CSMD1: variants seen among roughly 807,000 people sequenced by gnomAD.
CSMD1 encodes the protein CUB and sushi domain-containing protein 1.
In CSMD1, 213 loss-of-function variants were observed where a neutral mutation model predicts 417.5. The observed-to-expected ratio is 0.51, with a 90% CI of 0.46 to 0.57. The LOEUF (loss-of-function observed/expected upper bound fraction) is 0.57. CSMD1 is among the 20% of genes least tolerant of loss of function. CSMD1 has a pLI of 0.00. For synonymous variants in CSMD1, 2,862 were observed against 1,736.8 expected (o/e 1.65, Z -16.11); for missense variants, 6,923 against 4,529.7 (o/e 1.53, Z -15.17).
At chr8:4,558,945 C>T (rs1274290220) in intron 2 of CSMD1, among the ~76,000 whole-genome samples, 1 of 151,398 alleles carries the variant, frequency 6.6e-6, no homozygotes, top group Non-Finnish European at 1.5e-5. Context: ...TTTTTTCTGA[C>T]CTCCTGTATT....
At chr8:4,755,675 C>T (rs1235339555) in intron 1 of CSMD1, among the ~76,000 whole-genome samples, 1 of 152,198 alleles carries the variant, frequency 6.6e-6, no homozygotes, top group Non-Finnish European at 1.5e-5. Flanking sequence ...TATTAGTTTT[C>T]AATAATTCGC....
intron 1 of CSMD1, among the ~76,000 whole-genome samples, chr8:4,676,123 T>C (rs1404800069): frequency 6.6e-6 from 1 of 152,244 alleles, no homozygotes; most frequent in African/African-American, 2.4e-5. Flanking sequence ...AATTCTGCTA[T>C]GCATAAGATG....
intron 11 of CSMD1, among the ~76,000 whole-genome samples, chr8:3,477,529 A>G (rs1817501700): frequency 6.6e-6 from 1 of 152,212 alleles, no homozygotes; most frequent in Non-Finnish European, 1.5e-5. Flanking sequence ...CTATCTTTTC[A>G]GGCACCTGGG....
chr8:3,019,314 A>T (rs979304042), intron 51 of CSMD1, among the ~76,000 whole-genome samples: 1 of 152,214 alleles, frequency 6.6e-6, no homozygotes, highest in Admixed American at 6.5e-5. Flanking sequence ...AAGCGTGTCA[A>T]TCAAATAAAT....
chr8:3,674,234 G>C (rs769191235), intron 7 of CSMD1, among the ~76,000 whole-genome samples: 3 of 152,110 alleles, frequency 2.0e-5, no homozygotes, highest in Non-Finnish European at 2.9e-5. Flanking sequence ...TTGTATTATG[G>C]TTGACTTCAT....
At chr8:3,746,286 C>T (rs1296131328) in intron 6 of CSMD1, among the ~76,000 whole-genome samples, 1 of 152,174 alleles carries the variant, frequency 6.6e-6, no homozygotes, top group East Asian at 1.9e-4. Flanking sequence ...GATTGATAAC[C>T]TACCTGAACT....
intron 3 of CSMD1, among the ~76,000 whole-genome samples, chr8:4,238,299 C>CTT (rs1802187354): frequency 1.3e-5 from 2 of 152,172 alleles, no homozygotes; most frequent in African/African-American, 4.8e-5. Flanking sequence ...GTGCTTCCTC[C>CTT]TTCTCAGCTT....
chr8:4,075,812 A>C (rs1406067017), intron 3 of CSMD1, among the ~76,000 whole-genome samples: 1 of 152,124 alleles, frequency 6.6e-6, no homozygotes, highest in African/African-American at 2.4e-5. Context: ...GCAGTCCTTC[A>C]TGGTTGTCAG....
intron 6 of CSMD1, among the ~76,000 whole-genome samples, chr8:3,720,341 C>T (rs1275640178): frequency 1.3e-5 from 2 of 152,170 alleles, no homozygotes; most frequent in African/African-American, 4.8e-5. Context: ...TGGAAAGTGA[C>T]TTTGGCAACT....
chr8:3,887,240 A>G (rs1438368743), intron 5 of CSMD1, among the ~76,000 whole-genome samples: 2 of 152,198 alleles, frequency 1.3e-5, no homozygotes, highest in Non-Finnish European at 2.9e-5. Context: ...TGAGAAGGAC[A>G]TCAATGTTCT....
At chr8:3,363,934 T>C (rs758399912) in intron 20 of CSMD1, among the ~76,000 whole-genome samples, 1 of 152,124 alleles carries the variant, frequency 6.6e-6, no homozygotes, top group Non-Finnish European at 1.5e-5. Flanking sequence ...TACGGGGCTC[T>C]TTTTCTACAA....
At chr8:4,707,838 G>T (rs1808040500) in intron 1 of CSMD1, among the ~76,000 whole-genome samples, 1 of 144,206 alleles carries the variant, frequency 6.9e-6, no homozygotes, top group African/African-American at 2.6e-5. Context: ...AGTGAACCAA[G>T]ATCGCACCAT....
At chr8:4,813,446 C>G (rs1257645289) in intron 1 of CSMD1, among the ~76,000 whole-genome samples, 1 of 152,134 alleles carries the variant, frequency 6.6e-6, no homozygotes, top group Non-Finnish European at 1.5e-5. Flanking sequence ...TTTCTGTATT[C>G]TTCCTAGATA....
At chr8:4,780,681 C>G (rs540867263) in intron 1 of CSMD1, among the ~76,000 whole-genome samples, 14 of 152,224 alleles carry the variant, frequency 9.2e-5, no homozygotes, top group African/African-American at 3.1e-4. Context: ...GAGTGGTATA[C>G]ACTGCACCAT....
chr8:4,822,695 A>C (rs1050307885), intron 1 of CSMD1, among the ~76,000 whole-genome samples: 26 of 152,232 alleles, frequency 1.7e-4, no homozygotes, highest in Admixed American at 1.4e-3. Context: ...GCCATATACA[A>C]TGTTGTCTCT....
intron 37 of CSMD1, among the ~76,000 whole-genome samples, chr8:3,170,731 T>C (rs929004127): frequency 5.3e-5 from 8 of 152,236 alleles, no homozygotes; most frequent in African/African-American, 1.9e-4. Context: ...GATCAAAAAT[T>C]GTTCACACTT....
At chr8:3,874,244 C>A (rs1805669462) in intron 5 of CSMD1, among the ~76,000 whole-genome samples, 1 of 152,154 alleles carries the variant, frequency 6.6e-6, no homozygotes, top group Non-Finnish European at 1.5e-5. Context: ...GGATGAAGAG[C>A]ATGTTTATTT....
At chr8:3,558,413 TG>T (rs1425647855) in intron 10 of CSMD1, among the ~76,000 whole-genome samples, 1 of 145,904 alleles carries the variant, frequency 6.9e-6, no homozygotes, top group Non-Finnish European at 1.5e-5. Flanking sequence ...TGATGAACGG[TG>T]CCTCAATGGT....
At chr8:3,957,228 G>A (rs1441663257) in intron 5 of CSMD1, among the ~76,000 whole-genome samples, 4 of 152,174 alleles carry the variant, frequency 2.6e-5, no homozygotes, top group South Asian at 4.1e-4. Context: ...AGAAATATAG[G>A]AGCAAAGACA....
Sources: allele counts gnomAD v4.1 joint callset (sites outside exome capture counted in the v4.1 genomes callset), GRCh38; gene constraint gnomAD v4.1.1; transcripts MANE v1.5; gene names NCBI Gene and HGNC (gene_info 2026-07-23, HGNC 2026-07-21).